NLGN1: variants seen among roughly 807,000 people sequenced by gnomAD.
NLGN1 encodes neuroligin-1.
In NLGN1, 12 loss-of-function variants were observed where a neutral mutation model predicts 65.5. That is an observed-to-expected ratio of 0.18 (90% CI 0.12 to 0.30). NLGN1 has a LOEUF of 0.30. NLGN1 is among the 10% of genes least tolerant of loss of function. The pLI, the probability that NLGN1 is intolerant of heterozygous loss-of-function variation, is 1.00. For missense variants in NLGN1, 750 were observed against 1,007.1 expected (o/e 0.74, Z 3.46); for synonymous variants, 350 against 359.5 (o/e 0.97, Z 0.30).
chr3:173,569,889 A>G (rs1744351457), intron 2 of NLGN1, among the ~76,000 whole-genome samples: 1 of 152,210 alleles, frequency 6.6e-6, no homozygotes, highest in African/African-American at 2.4e-5. Flanking sequence ...CTAAGAAATT[A>G]CTTAGCAGAT....
intron 4 of NLGN1, among the ~76,000 whole-genome samples, chr3:174,024,955 C>T (rs1248449414): frequency 6.6e-6 from 1 of 152,132 alleles, no homozygotes; most frequent in African/African-American, 2.4e-5. Context: ...TAAACGTTCA[C>T]CTCTAAATCA....
At chr3:173,647,961 G>C (rs756469546) in intron 3 of NLGN1, among the ~76,000 whole-genome samples, 8 of 152,056 alleles carry the variant, frequency 5.3e-5, no homozygotes, top group Non-Finnish European at 1.2e-4. Context: ...TAAGATATCA[G>C]TTCTCTCCCA....
intron 2 of NLGN1, among the ~76,000 whole-genome samples, chr3:173,579,895 A>T (rs1205303705): frequency 6.6e-6 from 1 of 152,086 alleles, no homozygotes; most frequent in African/African-American, 2.4e-5. Flanking sequence ...TTGCTTTACA[A>T]TTCTGTTTTA....
chr3:173,878,309 G>T (rs972959853), intron 4 of NLGN1, among the ~76,000 whole-genome samples: 1 of 152,122 alleles, frequency 6.6e-6, no homozygotes, highest in South Asian at 2.1e-4. Flanking sequence ...CAGAGTGCAG[G>T]GATTACAGGC....
rs575870076 is a variant in NLGN1, at chr3:173,503,533, T to A, written c.-321+68455T>A. 2.6e-5 allele frequency among the ~76,000 whole-genome samples: 4 copies of A among 152,260 alleles called. No individual in the cohort carries two copies. The South Asian group carries it at 6.2e-4, about 24-fold the overall frequency. On this transcript the variant is annotated intron_variant, in intron 2 of 6. Coordinates refer to ENST00000457714, the Ensembl canonical transcript of NLGN1. The stretch of plus-strand genomic sequence containing the variant: ...AAGATTCCTATAAATATATTTTATA[T>A]AAAATCATTTGTAGAAGATTTTACT...
intron 2 of NLGN1, among the ~76,000 whole-genome samples, chr3:173,445,979 CCT>C (rs1337322952): frequency 1.3e-5 from 2 of 152,184 alleles, no homozygotes; most frequent in South Asian, 2.1e-4. Context: ...GCAGATTACC[CCT>C]GTTTTTGCTT....
chr3:173,766,971 T>C (rs1385905642), intron 3 of NLGN1, among the ~76,000 whole-genome samples: 2 of 152,166 alleles, frequency 1.3e-5, no homozygotes, highest in East Asian at 3.9e-4. Context: ...GCTGTATTTC[T>C]TCCTAAAATT....
intron 2 of NLGN1, among the ~76,000 whole-genome samples, chr3:173,597,394 C>T (rs1308878845): frequency 1.3e-5 from 2 of 152,170 alleles, no homozygotes; most frequent in Non-Finnish European, 2.9e-5. Flanking sequence ...GTGTTTTGGA[C>T]AGCGATTGGC....
chr3:174,071,055 AAAAT>A (rs954186234), intron 4 of NLGN1, among the ~76,000 whole-genome samples: 2 of 152,134 alleles, frequency 1.3e-5, no homozygotes, highest in East Asian at 3.9e-4. Flanking sequence ...ACCTTGTCTC[AAAAT>A]AAATAAATAA....
rs368056991 is a variant in NLGN1, at chr3:173,574,561, G to A, written c.-320-29718G>A. Among the ~76,000 whole-genome samples, 38 of 152,156 alleles carry A rather than the reference G, an allele frequency of 2.5e-4. No individual in the cohort carries two copies. The East Asian group carries it at 7.0e-3, about 28-fold the overall frequency. On this transcript the variant is annotated intron_variant, in intron 2 of 6. Transcript: ENST00000457714. ...GTTTTAAATAATTTATTTAAAGTCT[G>A]TAATCTAAGGCAGGCACCTTACTAA...
At chr3:173,574,669 A>C (rs7651430) in intron 2 of NLGN1, among the ~76,000 whole-genome samples, 74,104 of 151,824 alleles carry the variant, frequency 0.49, 18,416 homozygotes, top group East Asian at 0.73. Context: ...GAATTTTATG[A>C]CTCAAAAAAG....
chr3:174,108,256 A>G (rs1714402379), intron 4 of NLGN1, among the ~76,000 whole-genome samples: 1 of 152,084 alleles, frequency 6.6e-6, no homozygotes, highest in Non-Finnish European at 1.5e-5. Context: ...CTTTTATAAA[A>G]GTGTTATAAG....
intron 4 of NLGN1, among the ~76,000 whole-genome samples, chr3:173,941,066 G>C (rs1202513067): frequency 6.6e-6 from 1 of 152,148 alleles, no homozygotes; most frequent in Non-Finnish European, 1.5e-5. Context: ...GTTATGAAGA[G>C]AAAACAGGTG....
At chr3:174,009,180 G>A (rs1016393350) in intron 4 of NLGN1, among the ~76,000 whole-genome samples, 2 of 152,144 alleles carry the variant, frequency 1.3e-5, no homozygotes, top group African/African-American at 4.8e-5. Flanking sequence ...GCTCTCTTAA[G>A]ATTCTTATGA....
intron 4 of NLGN1, among the ~76,000 whole-genome samples, chr3:174,238,951 G>T (rs747740219): frequency 7.2e-5 from 11 of 152,238 alleles, no homozygotes; most frequent in Non-Finnish European, 1.0e-4. Flanking sequence ...AATGGGGTTG[G>T]TGGAATGTCT....
chr3:173,768,374 G>T (rs887064554), intron 3 of NLGN1, among the ~76,000 whole-genome samples: 1 of 152,072 alleles, frequency 6.6e-6, no homozygotes, highest in Non-Finnish European at 1.5e-5. Flanking sequence ...AGAAAACTTG[G>T]TGAGACAGTT....
chr3:173,456,092 C>T (rs78814525), intron 2 of NLGN1, among the ~76,000 whole-genome samples: 19,578 of 152,100 alleles, frequency 0.13, 1,414 homozygotes, highest in South Asian at 0.23. Flanking sequence ...AATTCAAATG[C>T]TAATCTCTCC....
intron 2 of NLGN1, among the ~76,000 whole-genome samples, chr3:173,514,263 T>C (rs938955933): frequency 1.1e-4 from 17 of 152,288 alleles, no homozygotes; most frequent in Admixed American, 8.5e-4. Context: ...TTTTTTAGGG[T>C]ACAGGTGGTT....
chr3:173,902,871 G>C (rs1289544901), intron 4 of NLGN1, among the ~76,000 whole-genome samples: 1 of 152,068 alleles, frequency 6.6e-6, no homozygotes, highest in Non-Finnish European at 1.5e-5. Flanking sequence ...GCACTGTTTT[G>C]ATGCTAGAAA....
Sources: gnomAD v4.1 joint callset for allele counts (sites outside exome capture counted in the v4.1 genomes callset) on GRCh38, gnomAD v4.1.1 for gene constraint, MANE v1.5 for transcripts, NCBI Gene and HGNC (gene_info 2026-07-23, HGNC 2026-07-21) for gene names.